Variants in KALRN observed in about 807,000 individuals in gnomAD.
KALRN encodes kalirin.
In KALRN, 70 loss-of-function variants were observed where a neutral mutation model predicts 353.7. The observed-to-expected ratio is 0.20, with a 90% confidence interval of 0.16 to 0.24. KALRN has a LOEUF of 0.24. Ranked by LOEUF, KALRN falls within the 10% of genes least tolerant of loss-of-function variation. KALRN has a pLI of 1.00. For missense variants in KALRN, 2,791 were observed against 3,756.7 expected (o/e 0.74, Z 6.72); for synonymous variants, 1,391 against 1,434.8 (o/e 0.97, Z 0.69).
chr3:124,588,250 GAGTT>G (rs1221085238), intron 34 of KALRN, among the ~76,000 whole-genome samples: 10 of 152,326 alleles, frequency 6.6e-5, no homozygotes, highest in African/African-American at 2.2e-4. Flanking sequence ...ACTCTGTGGG[GAGTT>G]AGTTTTGGGA....
At chr3:124,146,874 C>CAAAAAAAAAAAAAAAAAAAAAAAAAAAA (rs34633708) in intron 1 of KALRN, among the ~76,000 whole-genome samples, 3 of 49,924 alleles carry the variant, frequency 6.0e-5, no homozygotes, top group Non-Finnish European at 1.0e-4. Context: ...GACTCTGTCT[C>CAAAAAAAAAAAAAAAAAAAAAAAAAAAA]AAAAAAAAAA....
intron 27 of KALRN, among the ~76,000 whole-genome samples, chr3:124,477,909 T>C (rs543312496): frequency 5.3e-5 from 8 of 152,126 alleles, no homozygotes; most frequent in Non-Finnish European, 1.2e-4. Flanking sequence ...GGCCTGAGCA[T>C]TGGGATATTT....
chr3:124,517,268 A>G (rs1447660320), intron 33 of KALRN, among the ~76,000 whole-genome samples: 1 of 152,144 alleles, frequency 6.6e-6, no homozygotes, highest in Non-Finnish European at 1.5e-5. Context: ...AGTATACCTT[A>G]TATTCCTGGA....
intron 34 of KALRN, among the ~76,000 whole-genome samples, chr3:124,627,629 A>G (rs1264473788): frequency 6.6e-6 from 1 of 152,218 alleles, no homozygotes; most frequent in Admixed American, 6.5e-5. Context: ...GTAGAGCCAC[A>G]TGGCATCACA....
At chr3:124,670,276 A>T (rs1274154509) in intron 47 of KALRN, among the ~76,000 whole-genome samples, 1 of 152,182 alleles carries the variant, frequency 6.6e-6, no homozygotes, top group Admixed American at 6.5e-5. Flanking sequence ...GCACCACTGC[A>T]CCTGGCCCTT....
chr3:124,557,991 C>A (rs1329916165), intron 33 of KALRN, among the ~76,000 whole-genome samples: 1 of 152,076 alleles, frequency 6.6e-6, no homozygotes, highest in Non-Finnish European at 1.5e-5. Context: ...TAAGGGATTC[C>A]TCGGTCCCAC....
intron 32 of KALRN, among the ~76,000 whole-genome samples, chr3:124,495,986 T>TATAC (rs2063745671): frequency 7.6e-5 from 4 of 52,782 alleles, no homozygotes; most frequent in South Asian, 8.3e-4. Context: ...TATATATATA[T>TATAC]ATATATATAT....
intron 34 of KALRN, among the ~76,000 whole-genome samples, chr3:124,612,414 G>T (rs2078099725): frequency 6.6e-6 from 1 of 152,130 alleles, no homozygotes; most frequent in Non-Finnish European, 1.5e-5. Flanking sequence ...TGTTGGTCAG[G>T]CTGGTCTCGA....
At position 124,064,823 on chromosome 3, in the gene KALRN, T is replaced by C. The variant is rs377178438; in HGVS notation, c.73+31010T>C. Among the ~76,000 whole-genome samples, 26 of 152,188 alleles carry C rather than the reference T, an allele frequency of 1.7e-4. No homozygotes were observed. In the East Asian group the frequency reaches 2.5e-3, roughly 15 times the overall value. On this transcript the variant is annotated intron_variant, in intron 1 of 59. Coordinates refer to ENST00000682506, the MANE Select transcript of KALRN (RefSeq NM_001388419.1). The stretch of plus-strand genomic sequence containing the variant: ...TACCCCTTGAGCTACACACACGTTG[T>C]TTCCAAAACAAGAGTATTCAGACAA...
At chr3:124,558,782 T>C (rs934174859) in intron 33 of KALRN, among the ~76,000 whole-genome samples, 1 of 152,242 alleles carries the variant, frequency 6.6e-6, no homozygotes, top group African/African-American at 2.4e-5. Context: ...GCAGAGCCCA[T>C]GCCCTAAACG....
At chr3:124,212,473 G>C (rs1159669456) in intron 1 of KALRN, among the ~76,000 whole-genome samples, 1 of 152,060 alleles carries the variant, frequency 6.6e-6, no homozygotes, top group Non-Finnish European at 1.5e-5. Context: ...TGGCTGATTT[G>C]TATTTAATTT....
At chr3:124,645,656 C>CGTG (rs1559756764) in intron 37 of KALRN, among the ~76,000 whole-genome samples, 5 of 92,966 alleles carry the variant, frequency 5.4e-5, no homozygotes, top group East Asian at 7.8e-4. Flanking sequence ...CTCTCTCTCT[C>CGTG]TCTGTGCGTG....
At chr3:124,436,561 G>A (rs1375566941) in intron 17 of KALRN, among the ~76,000 whole-genome samples, 8 of 142,558 alleles carry the variant, frequency 5.6e-5, no homozygotes, top group African/African-American at 1.3e-4. Context: ...AGATGGGACT[G>A]GAGAAGTCAC....
chr3:124,572,385 TA>T (rs2073639997), intron 34 of KALRN, among the ~76,000 whole-genome samples: 2 of 152,056 alleles, frequency 1.3e-5, no homozygotes, highest in South Asian at 2.1e-4. Context: ...CAATTTCAGT[TA>T]AAAATGGCCC....
At chr3:124,425,762 A>G (rs1285281872) in intron 15 of KALRN, among the ~76,000 whole-genome samples, 1 of 152,230 alleles carries the variant, frequency 6.6e-6, no homozygotes, top group Non-Finnish European at 1.5e-5. Flanking sequence ...CGATATTAAA[A>G]TAGAAATATA....
In KALRN at chr3:124,492,774, A is replaced by G; in HGVS notation, c.4724A>G (p.Lys1575Arg). Residue 1575 changes from lysine (K) to arginine (R), a missense_variant, in exon 32 of 60, where the codon AAG becomes AGG. Physicochemically the swap from Lys to Arg is conservative, Grantham distance 26. Around this residue, in one of 11 missense-constraint regions of KALRN, gnomAD observed 239 missense variants for 351.3 expected, o/e 0.68. Transcript: ENST00000682506. ...ATTGAAACCAAGCAGGAGTGGATCA[A>G]GAACATTCGAGAAGTGATTCAAGAA... ...SNIETKQEWIKNIREVIQERI... is the reference protein window; with the variant it reads ...SNIETKQEWIRNIREVIQERI... 1 of 1,614,056 alleles carries G rather than the reference A, an allele frequency of 6.2e-7. No individual in the cohort carries two copies. The highest frequency in any genetic ancestry group is 8.5e-7 in the Non-Finnish European group (1 of 1,180,002).
At chr3:124,641,914 T>C (rs574562658) in intron 37 of KALRN, among the ~76,000 whole-genome samples, 1 of 152,302 alleles carries the variant, frequency 6.6e-6, no homozygotes, top group Non-Finnish European at 1.5e-5. Context: ...GAGAATCTAG[T>C]GTATCTCTAA....
At chr3:124,706,041 G>A (rs112079112) in intron 57 of KALRN, among the ~76,000 whole-genome samples, 24,739 of 151,930 alleles carry the variant, frequency 0.16, 2,393 homozygotes, top group Middle Eastern at 0.22. Flanking sequence ...CAAGTAGCTG[G>A]GACTACAGAC....
In KALRN at chr3:124,037,998, G is replaced by A. The variant is rs543167956; in HGVS notation, c.73+4185G>A. ...AATGTGGGACTCAAGACAGGAGCAT[G>A]GGCTGGAGGCTAGGGCTGTTGATGT... On this transcript the variant is annotated intron_variant, in intron 1 of 59. Coordinates refer to ENST00000682506, the MANE Select transcript of KALRN (RefSeq NM_001388419.1). 2.7e-4 allele frequency among the ~76,000 whole-genome samples: 41 copies of A among 152,308 alleles called. 1 individual carries two copies. In the South Asian group the frequency reaches 8.5e-3, roughly 32 times the overall value.
Sources: allele counts gnomAD v4.1 joint callset (sites outside exome capture counted in the v4.1 genomes callset), GRCh38; gene constraint gnomAD v4.1.1; regional missense constraint gnomAD v4.1.1; transcripts MANE v1.5; gene names NCBI Gene and HGNC (gene_info 2026-07-23, HGNC 2026-07-21).